Variants in AGO2 observed in about 807,000 individuals in gnomAD.
The protein encoded by AGO2 is protein argonaute-2.
Under a neutral mutation model 102.3 loss-of-function variants are expected in AGO2, and 5 were observed. That is an observed-to-expected ratio of 0.05 (90% CI 0.03 to 0.10). AGO2 has a LOEUF of 0.10. Among genes scored for constraint, AGO2 ranks in the 10% least tolerant of loss-of-function variants. AGO2 has a pLI of 1.00. For missense variants in AGO2, 541 were observed against 1,183.7 expected, an observed-to-expected ratio of 0.46 and a Z score of 7.97; for synonymous variants, 449 against 473.1, an observed-to-expected ratio of 0.95 and a Z score of 0.66.
Position 140,528,483 on chromosome 8 carries a change from TC to T in AGO2, c.*3560del, listed in dbSNP as rs1332099786. 1 of 152,204 alleles carries T rather than the reference TC, an allele frequency of 6.6e-6. No individual in the cohort carries two copies. Among genetic ancestry groups the T allele is most frequent in the Non-Finnish European group, 1.5e-5 (1 of 68,058 alleles). 9.4% of individuals were successfully genotyped at this position (152,204 alleles called of 1,614,324 possible). A position where few individuals can be genotyped will look rare whatever the true frequency, so the allele number is the denominator to read the frequency against. Reference sequence around the variant, plus strand: ...TAAACATTAGTGATAGCAGTTTAGGTCAGCCTCAAACAAACAGCGTGGAGGT... The same window carrying T: ...TAAACATTAGTGATAGCAGTTTAGGTAGCCTCAAACAAACAGCGTGGAGGT... On this transcript the variant is annotated 3_prime_UTR_variant, in exon 19 of 19. Transcript: ENST00000220592. The surrounding 1 kb of genome is among the most constrained non-coding windows in gnomAD (Gnocchi z 4.5).
Position 140,585,220 on chromosome 8 carries a change from G to C in AGO2, c.114C>G (p.Ile38Met). Residue 38 changes from isoleucine (I) to methionine (M), a missense_variant, in exon 2 of 19, where the codon ATC becomes ATG. Transcript: ENST00000220592. ...RPDFGTSGRT[I>M]KLQANFFEMD... ...TTTCGAAGAAATTGGCCTGTAATTT[G>C]ATTGTTCTCCCGGAGGTCCCAAAGT... 1 of 1,614,212 alleles carries C rather than the reference G, an allele frequency of 6.2e-7. No homozygotes were observed. Among genetic ancestry groups the C allele is most frequent in the Non-Finnish European group, 8.5e-7 (1 of 1,180,038 alleles).
Position 140,585,289 on chromosome 8 carries a change from C to T in AGO2, c.45G>A (p.Pro15=), listed in dbSNP as rs141930048. 40 of 1,613,648 alleles carry T rather than the reference C, an allele frequency of 2.5e-5. No homozygotes were observed. The highest frequency in any genetic ancestry group is 2.1e-4 in the African/African-American group (16 of 74,976). ...AGPALAPPAP[P]PPIQGYAFKP... ...TGAAGGCATATCCTTGGATGGGGGG[C>T]GGCGGCGCAGGAGGTGCAAGTGCTG... The change falls in exon 2 of 19, where the codon CCG becomes CCA. Residue 15 remains proline (P), a synonymous_variant. Transcript: ENST00000220592.
chr8:140,541,015 TG>T, intron 15 of AGO2, 148 bp downstream of exon 15: 2 of 751,344 alleles, frequency 2.7e-6, no homozygotes, highest in Non-Finnish European at 3.8e-6. Flanking sequence ...TCTCCTCCCC[TG>T]GACCCCCTTC....
intron 1 of AGO2, among the ~76,000 whole-genome samples, chr8:140,605,260 A>G (rs1326480607): frequency 6.6e-6 from 1 of 151,998 alleles, no homozygotes; most frequent in Non-Finnish European, 1.5e-5. Flanking sequence ...ATGCCCGGCT[A>G]ATTTTTTTGT....
rs371148076 is a variant in AGO2 at position 140,577,460 on chromosome 8, T to C, written c.216-4528A>G. ...GGTTCTTACAGGAGTGTATACCTTT[T>C]TTAAAGATCATAGGCCTACATAAAG... On this transcript the variant is annotated intron_variant, in intron 2 of 18. Transcript: ENST00000220592. Among the ~76,000 whole-genome samples the C allele has an allele frequency of 2.6e-5, 4 of 152,354 alleles. No homozygotes were observed. In the East Asian group the frequency reaches 7.7e-4, roughly 29 times the overall value.
chr8:140,585,973 T>C (rs888321069), intron 1 of AGO2, among the ~76,000 whole-genome samples: 1 of 152,226 alleles, frequency 6.6e-6, no homozygotes, highest in Non-Finnish European at 1.5e-5. Flanking sequence ...CTTGAATTAT[T>C]TGCTTTTTTG....
At chr8:140,585,084 C>T (rs1564100892) in intron 2 of AGO2, 35 bp downstream of exon 2, 1 of 1,596,846 alleles carries the variant, frequency 6.3e-7, no homozygotes, top group Non-Finnish European at 8.6e-7. Context: ...CCGCGCAGAC[C>T]ACTTACACAG....
rs764426394 is a variant in AGO2 at position 140,562,511 on chromosome 8, C to T, written c.460G>A (p.Val154Ile). The change falls in exon 4 of 19, where the codon GTC becomes ATC. Residue 154 changes from valine (V) to isoleucine (I), a missense_variant. Val to Ile is a conservative substitution (Grantham distance 29, BLOSUM62 3). Around this residue, in one of 6 missense-constraint regions of AGO2, gnomAD observed 147 missense variants for 204.1 expected, o/e 0.72. Transcript: ENST00000220592. ...HDALSGRLPS[V>I]PFETIQALDV... is the part of the protein sequence containing the mutation. ...AGGGCCTGGATCGTCTCAAAAGGGA[C>T]GCTGGGCAGCCGCCCTGAAAGTGCA... 1.7e-5 allele frequency: 28 copies of T among 1,613,894 alleles called. No individual in the cohort carries two copies. Among genetic ancestry groups the T allele is most frequent in the South Asian group, 4.4e-5 (4 of 91,080 alleles).
chr8:140,589,098 G>C lies in AGO2; in HGVS notation c.23-3787C>G, dbSNP rs1447097903. Among the ~76,000 whole-genome samples, 2 of 152,252 alleles carry C rather than the reference G, an allele frequency of 1.3e-5. No individual in the cohort carries two copies. ...CTGCAGGAGCAGGCGGTCCCCTGAA[G>C]AAACTCCTTTCGGAGTTGGCTCCTC... On this transcript the variant is annotated intron_variant, in intron 1 of 18. Coordinates refer to ENST00000220592, the MANE Select transcript of AGO2 (RefSeq NM_012154.5). The surrounding 1 kb of genome is among the most constrained non-coding windows in gnomAD (Gnocchi z 4.2).
At chr8:140,548,333 A>AAC (rs1491424096) in intron 12 of AGO2, among the ~76,000 whole-genome samples, 1 of 142,756 alleles carries the variant, frequency 7.0e-6, no homozygotes, top group Non-Finnish European at 1.5e-5. Flanking sequence ...AAAAAAAAAA[A>AAC]GGAAAAGAAA....
chr8:140,630,903 C>T (rs1331947945), intron 1 of AGO2, among the ~76,000 whole-genome samples: 1 of 152,112 alleles, frequency 6.6e-6, no homozygotes, highest in Non-Finnish European at 1.5e-5. Context: ...AAGTAAAACA[C>T]CTTCGCTGGG....
At chr8:140,552,750 A>ACG (rs1303705024) in intron 10 of AGO2, among the ~76,000 whole-genome samples, 1 of 27,490 alleles carries the variant, frequency 3.6e-5, no homozygotes, top group African/African-American at 3.0e-4. Context: ...GCACACACAC[A>ACG]CACACACACA....
In AGO2 at chr8:140,588,782, G is replaced by C. The variant is rs184734451; in HGVS notation, c.23-3471C>G. 2.2e-4 allele frequency among the ~76,000 whole-genome samples: 34 copies of C among 152,386 alleles called. 1 individual carries two copies. Among genetic ancestry groups the C allele is most frequent in the Middle Eastern group, 3.4e-3 (1 of 294 alleles). ...GGGCGATGGCTCCCCGGGGCCCAGG[G>C]CTGGCGGGCCCTCTGCACTTAAGGC... On this transcript the variant is annotated intron_variant, in intron 1 of 18. Coordinates refer to ENST00000220592, the MANE Select transcript of AGO2 (RefSeq NM_012154.5).
intron 3 of AGO2, chr8:140,572,610 A>C: frequency 3.2e-6 from 2 of 626,042 alleles, no homozygotes. Context: ...GGACCTAGAC[A>C]AGTTAAACCC....
intron 15 of AGO2, 99 bp downstream of exon 15, chr8:140,541,065 C>T: frequency 7.5e-7 from 1 of 1,331,438 alleles, no homozygotes; most frequent in Non-Finnish European, 1.0e-6. Context: ...CGAATGAGAG[C>T]CACATCATTC....
chr8:140,604,355 T>C (rs2073967070), intron 1 of AGO2, among the ~76,000 whole-genome samples: 1 of 152,230 alleles, frequency 6.6e-6, no homozygotes, highest in Non-Finnish European at 1.5e-5. Context: ...AATTAACGGC[T>C]AATTATGTGT....
At chr8:140,635,308 C>CCCG (rs967649898) in intron 1 of AGO2, among the ~76,000 whole-genome samples, 177 bp downstream of exon 1, 8 of 146,078 alleles carry the variant, frequency 5.5e-5, no homozygotes, top group South Asian at 2.1e-4. Context: ...CCGGCTCGGC[C>CCCG]CCGCCGCCGC....
chr8:140,558,150 C>T (rs919224175), intron 7 of AGO2, among the ~76,000 whole-genome samples: 2 of 152,140 alleles, frequency 1.3e-5, no homozygotes, highest in East Asian at 1.9e-4. Context: ...GGGAAGGGGG[C>T]GTGGGTCAGG....
At chr8:140,595,977 T>TTA (rs2073836855) in intron 1 of AGO2, among the ~76,000 whole-genome samples, 1 of 120,278 alleles carries the variant, frequency 8.3e-6, no homozygotes, top group Non-Finnish European at 1.7e-5. Flanking sequence ...ATTATATATA[T>TTA]TATATAATAT....
Sources: allele counts gnomAD v4.1 joint callset (sites outside exome capture counted in the v4.1 genomes callset), GRCh38; gene constraint gnomAD v4.1.1; regional missense constraint gnomAD v4.1.1; non-coding constraint Gnocchi (gnomAD v3.1); transcripts MANE v1.5; gene names NCBI Gene and HGNC (gene_info 2026-07-23, HGNC 2026-07-21).